Variants in NAV1 observed in about 807,000 individuals in gnomAD.
NAV1 encodes pore membrane and/or filament interacting like protein 3.
In NAV1, 18 loss-of-function variants were observed where a neutral mutation model predicts 175.2. The observed-to-expected ratio is 0.10, with a 90% CI of 0.07 to 0.15. NAV1 has a LOEUF of 0.15. Among genes scored for constraint, NAV1 ranks in the 10% least tolerant of loss-of-function variants. The probability of loss-of-function intolerance (pLI) is 1.00; values close to 1 mark genes in which losing one functional copy is unlikely to be tolerated. For synonymous variants in NAV1, 897 were observed against 978.7 expected, an observed-to-expected ratio of 0.92 and a Z score of 1.56; for missense variants, 1,731 against 2,436.6, an observed-to-expected ratio of 0.71 and a Z score of 6.10.
chr1:201,727,674 G>C (rs1345959619), intron 3 of NAV1, among the ~76,000 whole-genome samples: 1 of 152,238 alleles, frequency 6.6e-6, no homozygotes, highest in Non-Finnish European at 1.5e-5. Context: ...GCTGACAGGA[G>C]TGGGAAAGTG....
chr1:201,702,689 T>C (rs1169138913), intron 1 of NAV1, among the ~76,000 whole-genome samples: 2 of 144,336 alleles, frequency 1.4e-5, no homozygotes, highest in Non-Finnish European at 3.0e-5. Flanking sequence ...TCTCTCTCTC[T>C]CTCTCTCTCT....
At chr1:201,696,816 C>T (rs909020413) in intron 1 of NAV1, among the ~76,000 whole-genome samples, 3 of 152,198 alleles carry the variant, frequency 2.0e-5, no homozygotes, top group Non-Finnish European at 4.4e-5. Flanking sequence ...CCTCTCTGAG[C>T]CAAACATCTA....
chr1:201,754,773 G>A (rs1674349807), intron 3 of NAV1, among the ~76,000 whole-genome samples: 4 of 152,032 alleles, frequency 2.6e-5, no homozygotes, highest in Non-Finnish European at 5.9e-5. Context: ...TATGTTATTT[G>A]TACCACAGGA....
chr1:201,800,809 T>TGGTG (rs1005119285), intron 15 of NAV1, among the ~76,000 whole-genome samples: 3 of 143,128 alleles, frequency 2.1e-5, no homozygotes, highest in African/African-American at 5.0e-5. Context: ...AACTTCAACT[T>TGGTG]GGTGTATCTT....
At chr1:201,580,942 C>T (rs933445792) in intron 1 of NAV1, among the ~76,000 whole-genome samples, 1 of 152,086 alleles carries the variant, frequency 6.6e-6, no homozygotes, top group Non-Finnish European at 1.5e-5. Flanking sequence ...TGGTAAAGGG[C>T]ATCCCACCAG....
chr1:201,809,333 C>T (rs1571515011), intron 21 of NAV1, 72 bp downstream of exon 25: 1 of 1,592,156 alleles, frequency 6.3e-7, no homozygotes, highest in Non-Finnish European at 8.6e-7. Context: ...AAATCTGGAC[C>T]CTGGGTACCT....
chr1:201,642,184 CCTTCCCTCCTTTCTTCCTTT>C (rs372533123), intron 2 of NAV1, among the ~76,000 whole-genome samples: 8,362 of 138,454 alleles, frequency 0.06, 263 homozygotes, highest in African/African-American at 0.07. Context: ...TTCCTTCCTT[CCTTCCCTCCTTTCTTCCTTT>C]CTTCCTTCCC....
chr1:201,819,958 G>C (rs140231393), exon 30 of NAV1: 1 of 1,606,106 alleles, frequency 6.2e-7, no homozygotes, highest in Admixed American at 1.7e-5. Flanking sequence ...TGTCACCCCC[G>C]GACAGCAGAA....
At chr1:201,781,147 C>A in exon 5 of NAV1, 1 of 1,614,068 alleles carries the variant, frequency 6.2e-7, no homozygotes, top group East Asian at 2.2e-5. Flanking sequence ...TTCTAAGTGG[C>A]GGAGGGAGCG....
At chr1:201,587,202 C>A (rs564937906) in intron 1 of NAV1, among the ~76,000 whole-genome samples, 1 of 151,838 alleles carries the variant, frequency 6.6e-6, no homozygotes, top group South Asian at 2.1e-4. Flanking sequence ...CAGAGCAAAA[C>A]CCTGTCTCAA....
chr1:201,543,140 T>C (rs1665562948), intron 1 of NAV1, among the ~76,000 whole-genome samples: 1 of 152,250 alleles, frequency 6.6e-6, no homozygotes, highest in Non-Finnish European at 1.5e-5. Flanking sequence ...CTAATTGCTC[T>C]GGCTAGAACT....
exon 30 of NAV1, chr1:201,826,949 A>G (rs1442831021): frequency 6.6e-6 from 1 of 152,202 alleles, no homozygotes; most frequent in Non-Finnish European, 1.5e-5. Flanking sequence ...GCGTTTCAAT[A>G]AAGTTATCTC....
intron 1 of NAV1, among the ~76,000 whole-genome samples, 21 bp from the exon 2 acceptor site, chr1:201,588,518 A>ATTTTTT (rs58689392): frequency 7.2e-6 from 1 of 139,574 alleles, no homozygotes; most frequent in Non-Finnish European, 1.5e-5. Flanking sequence ...CAGCTGATTA[A>ATTTTTT]TTTTTTTTTT....
At chr1:201,809,644 C>T (rs965935606) in intron 22 of NAV1, 107 bp downstream of exon 26, 9 of 1,034,560 alleles carry the variant, frequency 8.7e-6, no homozygotes, top group Middle Eastern at 2.2e-4. Flanking sequence ...AGGGCAGTGG[C>T]GTGATCACAG....
Position 201,810,836 on chromosome 1 carries a change from G to A in NAV1, c.4797+78G>A. On this transcript the variant is annotated intron_variant, in intron 24 of 29. Coordinates refer to ENST00000367296, the Ensembl canonical transcript of NAV1. This position sits in a 1 kb window ranked among gnomAD's most constrained non-coding sequence, Gnocchi z 6.0. ...TAAGACCCTTCCTCGGCCCCTTCCT[G>A]CCTCATTGTTCCCTTTTCCTCACCT... 9.3e-7 allele frequency: 1 copy of A among 1,074,620 alleles called. No homozygotes were observed. Among genetic ancestry groups the A allele is most frequent in the Non-Finnish European group, 1.4e-6 (1 of 725,782 alleles). The allele number at this position is 1,074,620 out of a possible 1,614,324, so 66.6% of individuals were successfully genotyped here. A position where few individuals can be genotyped will look rare whatever the true frequency, so the allele number is the denominator to read the frequency against.
rs113957082 is a variant in NAV1 at position 201,686,674 on chromosome 1, C to A, written c.758-26143C>A. 6.6e-3 allele frequency among the ~76,000 whole-genome samples: 1,000 copies of A among 152,318 alleles called. 10 individuals are homozygous for A. Among genetic ancestry groups the A allele is most frequent in the African/African-American group, 0.023 (956 of 41,558 alleles). On this transcript the variant is annotated intron_variant, in intron 1 of 29. Coordinates refer to ENST00000367296, the Ensembl canonical transcript of NAV1. ...CCACTCCAACCCATTTGCTTATTTC[C>A]ATAGTTTCTGTAGGCAGGTTTTCTC... is the stretch of plus-strand genomic sequence containing the variant.
chr1:201,817,368 C>T lies in NAV1; in HGVS notation c.5538+83C>T, dbSNP rs959379042. The T allele has an allele frequency of 2.4e-5, 31 of 1,314,318 alleles. 1 individual carries two copies. In the Admixed American group the frequency reaches 6.2e-4, roughly 26 times the overall value. 81.4% of individuals were successfully genotyped at this position (1,314,318 alleles called of 1,614,324 possible). On this transcript the variant is annotated intron_variant, in intron 29 of 29. Transcript: ENST00000367296. Reference sequence around the variant, plus strand: ...CAGCAGGGTGGCTCACACCTGTAATCCCAGCACTTTGAGAGGCTGAGGTGG... The same window carrying T: ...CAGCAGGGTGGCTCACACCTGTAATTCCAGCACTTTGAGAGGCTGAGGTGG...
chr1:201,795,385 A>T (rs1415787991), intron 15 of NAV1: 2 of 152,200 alleles, frequency 1.3e-5, no homozygotes, highest in Non-Finnish European at 2.9e-5. Context: ...CCTTCTGGCC[A>T]AGAGTGACCG....
chr1:201,649,553 C>T (rs1007642585), intron 1 of NAV1, 128 bp downstream of exon 5: 1 of 1,385,220 alleles, frequency 7.2e-7, no homozygotes. Flanking sequence ...CACGATCAGG[C>T]TGTGATGGGC....
Sources: allele counts gnomAD v4.1 joint callset (sites outside exome capture counted in the v4.1 genomes callset), GRCh38; gene constraint gnomAD v4.1.1; non-coding constraint Gnocchi (gnomAD v3.1); transcripts MANE v1.5; gene names NCBI Gene and HGNC (gene_info 2026-07-23, HGNC 2026-07-21).